Variants in MCM9 observed in about 807,000 individuals in gnomAD.
MCM9 encodes minichromosome maintenance 9 homologous recombination repair factor.
In MCM9, 55 loss-of-function variants were observed where a neutral mutation model predicts 72.8. The ratio of observed to expected loss-of-function variants is 0.76; its 90% CI spans 0.61 to 0.95. The LOEUF is 0.95. Ranked by LOEUF, MCM9 falls within the 40% of genes least tolerant of loss-of-function variation. MCM9 has a pLI of 0.00. For missense variants in MCM9, 1,279 were observed against 1,377.0 expected (o/e 0.93, Z 1.13); for synonymous variants, 480 against 503.4 (o/e 0.95, Z 0.62).
intron 9 of MCM9, among the ~76,000 whole-genome samples, chr6:118,847,864 T>C (rs1431907373): frequency 6.6e-6 from 1 of 151,908 alleles, no homozygotes; most frequent in Non-Finnish European, 1.5e-5. Flanking sequence ...GCAAGTGATA[T>C]CAGAATGGCA....
At chr6:118,839,838 T>A (rs1775228611) in intron 9 of MCM9, among the ~76,000 whole-genome samples, 2 of 152,122 alleles carry the variant, frequency 1.3e-5, no homozygotes, top group Non-Finnish European at 2.9e-5. Flanking sequence ...ACCAGAGCTG[T>A]CCTGTATGAG....
chr6:118,872,013 A>G (rs1290434033), intron 8 of MCM9, among the ~76,000 whole-genome samples: 1 of 151,720 alleles, frequency 6.6e-6, no homozygotes, highest in Non-Finnish European at 1.5e-5. Flanking sequence ...CATCACAAGG[A>G]AATTAAACTA....
In MCM9 at chr6:118,816,083, A is replaced by G. The variant is rs757040051; in HGVS notation, c.2173T>C (p.Ser725Pro). The change falls in exon 14 of 14, where the codon TCA becomes CCA. Residue 725 changes from serine to proline, a missense_variant. Transcript: ENST00000619706. ...DPPPHLEPNR[S>P]TSRKHSAQHK... Reference sequence around the variant, plus strand: ...TGAGCTGAATGTTTCCTACTTGTTGATCTATTAGGCTCCAGATGCGGTGGG... The same window carrying G: ...TGAGCTGAATGTTTCCTACTTGTTGGTCTATTAGGCTCCAGATGCGGTGGG... 14 of 1,550,022 alleles carry G rather than the reference A, an allele frequency of 9.0e-6. No homozygotes were observed. The South Asian group carries it at 1.5e-4, about 17-fold the overall frequency.
intron 8 of MCM9, among the ~76,000 whole-genome samples, chr6:118,881,373 A>G (rs1197878512): frequency 6.6e-6 from 1 of 152,106 alleles, no homozygotes; most frequent in Non-Finnish European, 1.5e-5. Context: ...GTCAATACAT[A>G]TTTATACACA....
chr6:118,828,685 T>G (rs1037935799), intron 10 of MCM9, among the ~76,000 whole-genome samples: 1 of 152,202 alleles, frequency 6.6e-6, no homozygotes, highest in Non-Finnish European at 1.5e-5. Context: ...ACGCCCGGCC[T>G]GAGTAAATCT....
chr6:118,881,407 C>T (rs1778277907), intron 8 of MCM9, among the ~76,000 whole-genome samples: 1 of 152,146 alleles, frequency 6.6e-6, no homozygotes, highest in Non-Finnish European at 1.5e-5. Context: ...CAGCACTCAT[C>T]TTCCTGTTGA....
intron 8 of MCM9, among the ~76,000 whole-genome samples, chr6:118,886,902 C>T (rs1383819327): frequency 6.6e-6 from 1 of 152,110 alleles, no homozygotes; most frequent in Non-Finnish European, 1.5e-5. Flanking sequence ...AAGTTCAAGG[C>T]TGCAGTGAGC....
At chr6:118,882,275 G>GA (rs1261608847) in intron 8 of MCM9, among the ~76,000 whole-genome samples, 1 of 152,210 alleles carries the variant, frequency 6.6e-6, no homozygotes, top group Non-Finnish European at 1.5e-5. Flanking sequence ...CAGGGGGAGA[G>GA]AGAGTCCACA....
At chr6:118,819,188 G>T (rs1773618830) in intron 13 of MCM9, among the ~76,000 whole-genome samples, 1 of 152,144 alleles carries the variant, frequency 6.6e-6, no homozygotes, top group African/African-American at 2.4e-5. Context: ...GGGCATCCTT[G>T]TCTTGTGCCA....
intron 8 of MCM9, 22 bp downstream of exon 8, chr6:118,911,628 T>A (rs1204678141): frequency 6.3e-7 from 1 of 1,596,524 alleles, no homozygotes; most frequent in Admixed American, 1.7e-5. Context: ...GTTAAATTAC[T>A]TGAAATTGTC....
chr6:118,857,971 AAGAGT>A (rs1776670546), intron 8 of MCM9, among the ~76,000 whole-genome samples: 1 of 152,188 alleles, frequency 6.6e-6, no homozygotes, highest in Non-Finnish European at 1.5e-5. Flanking sequence ...AATAATAGAG[AAGAGT>A]AAACACTTCC....
At chr6:118,861,870 T>G (rs768476186) in intron 8 of MCM9, among the ~76,000 whole-genome samples, 1 of 152,186 alleles carries the variant, frequency 6.6e-6, no homozygotes, top group African/African-American at 2.4e-5. Context: ...CACCCCTTCC[T>G]GCCTAGGAAT....
intron 3 of MCM9, among the ~76,000 whole-genome samples, chr6:118,930,304 G>C (rs1048757117): frequency 2.6e-5 from 4 of 152,050 alleles, no homozygotes; most frequent in East Asian, 1.9e-4. Flanking sequence ...TGTAGAGACG[G>C]GGTTTCACCG....
intron 13 of MCM9, among the ~76,000 whole-genome samples, chr6:118,817,988 T>G (rs1773520426): frequency 6.6e-6 from 1 of 152,192 alleles, no homozygotes; most frequent in Admixed American, 6.5e-5. Context: ...GCTTTTTTTC[T>G]TGTATATTTT....
At position 118,931,486 on chromosome 6, in the gene MCM9, T is replaced by C. The variant is rs1366680568; in HGVS notation, c.238A>G (p.Ile80Val). ...DSALRRSALT[I>V]LQSLSQPEAV... Reference sequence around the variant, plus strand: ...TCAGGCTGAGAAAGGGACTGGAGAATTGTCAAGGCTGACCTTCGCAGTGCA... The same window carrying C: ...TCAGGCTGAGAAAGGGACTGGAGAACTGTCAAGGCTGACCTTCGCAGTGCA... Residue 80 changes from isoleucine to valine, a missense_variant, in exon 3 of 14, where the codon ATT becomes GTT. Ile to Val is a conservative substitution (Grantham distance 29). Transcript: ENST00000619706. 5.0e-6 allele frequency: 8 copies of C among 1,614,160 alleles called. No homozygotes were observed. The highest frequency in any genetic ancestry group is 2.2e-5 in the East Asian group (1 of 44,878).
chr6:118,872,213 G>A (rs369766041), intron 8 of MCM9, among the ~76,000 whole-genome samples: 1 of 151,992 alleles, frequency 6.6e-6, no homozygotes. Context: ...CATTTACTCA[G>A]GAGGCTGAGG....
chr6:118,828,299 A>G (rs1249526066), intron 10 of MCM9, among the ~76,000 whole-genome samples, 169 bp from the exon 11 acceptor site: 1 of 152,202 alleles, frequency 6.6e-6, no homozygotes. Flanking sequence ...CTTATGATCT[A>G]AGCTTAATAA....
chr6:118,878,476 G>C (rs1055286091), intron 8 of MCM9, among the ~76,000 whole-genome samples: 4 of 151,964 alleles, frequency 2.6e-5, no homozygotes, highest in African/African-American at 9.7e-5. Context: ...TCTTTTATCT[G>C]ATTTAAAAGA....
At chr6:118,877,741 G>A (rs137906673) in intron 8 of MCM9, among the ~76,000 whole-genome samples, 8,301 of 152,254 alleles carry the variant, frequency 0.055, 331 homozygotes, top group East Asian at 0.19. Context: ...AGGGAGATAG[G>A]TAAAAGAGGG....
Sources: gnomAD v4.1 joint callset for allele counts (sites outside exome capture counted in the v4.1 genomes callset) on GRCh38, gnomAD v4.1.1 for gene constraint, MANE v1.5 for transcripts, NCBI Gene and HGNC (gene_info 2026-07-23, HGNC 2026-07-21) for gene names.